The following CHRM3 variants were observed in gnomAD, a reference collection of about 807,000 sequenced individuals.
CHRM3 encodes muscarinic acetylcholine receptor M3.
In CHRM3, 11 loss-of-function variants were observed where a neutral mutation model predicts 41.8. The ratio of observed to expected loss-of-function variants is 0.26; its 90% CI spans 0.17 to 0.44. CHRM3 has a LOEUF of 0.44. Among genes scored for constraint, CHRM3 ranks in the 20% least tolerant of loss-of-function variants. The pLI is 1.00. For synonymous variants in CHRM3, 297 were observed against 301.4 expected (o/e 0.99, Z 0.15); for missense variants, 571 against 745.4 (o/e 0.77, Z 2.72).
intron 5 of CHRM3, among the ~76,000 whole-genome samples, chr1:239,742,597 G>T (rs1434944349): frequency 6.6e-6 from 1 of 152,144 alleles, no homozygotes; most frequent in African/African-American, 2.4e-5. Context: ...TGTAGGTCAA[G>T]GCAAGTCACA....
At chr1:239,723,336 C>T (rs1213971895) in intron 5 of CHRM3, among the ~76,000 whole-genome samples, 1 of 151,692 alleles carries the variant, frequency 6.6e-6, no homozygotes, top group Non-Finnish European at 1.5e-5. Context: ...TTAATTATAG[C>T]TTTAATTTTT....
chr1:239,548,617 T>C (rs1248049013), intron 3 of CHRM3, among the ~76,000 whole-genome samples: 1 of 152,184 alleles, frequency 6.6e-6, no homozygotes, highest in African/African-American at 2.4e-5. Context: ...CTTTTGGGCA[T>C]AAAGGCTTTG....
rs145221520 is a variant in CHRM3, at chr1:239,436,749, A to G, written c.-521+49522A>G. Among the ~76,000 whole-genome samples, 325 of 152,152 alleles carry G rather than the reference A, an allele frequency of 2.1e-3. 2 individuals are homozygous for G. The highest frequency in any genetic ancestry group is 7.2e-3 in the African/African-American group (299 of 41,512). ...CAAGACCTCTAAGTAATTGACAGCT[A>G]CTTTTCTAGGGCAAAGATATTCATT... On this transcript the variant is annotated intron_variant, in intron 1 of 6. Coordinates refer to ENST00000676153, the MANE Select transcript of CHRM3 (RefSeq NM_001375978.1).
chr1:239,544,307 A>T (rs1020218749), intron 2 of CHRM3, among the ~76,000 whole-genome samples: 1 of 152,126 alleles, frequency 6.6e-6, no homozygotes, highest in African/African-American at 2.4e-5. Context: ...CCTGTGATCT[A>T]GGAAGGTGCG....
chr1:239,585,743 T>C (rs1439764006), intron 3 of CHRM3, among the ~76,000 whole-genome samples: 3 of 152,190 alleles, frequency 2.0e-5, no homozygotes, highest in Admixed American at 2.0e-4. Context: ...AGAGATAAAA[T>C]ATGAATTTTA....
At chr1:239,810,963 G>A (rs1309238438) in intron 5 of CHRM3, among the ~76,000 whole-genome samples, 4 of 152,138 alleles carry the variant, frequency 2.6e-5, no homozygotes, top group Non-Finnish European at 5.9e-5. Flanking sequence ...CCTTGGAATC[G>A]CCATAAGTTT....
At chr1:239,650,977 T>C (rs999617683) in intron 4 of CHRM3, among the ~76,000 whole-genome samples, 7 of 152,204 alleles carry the variant, frequency 4.6e-5, no homozygotes, top group African/African-American at 1.7e-4. Flanking sequence ...AATTTGTAAG[T>C]ATACATATAT....
chr1:239,843,883 A>G (rs1309323285), intron 6 of CHRM3, among the ~76,000 whole-genome samples: 22 of 152,026 alleles, frequency 1.4e-4, no homozygotes, highest in Admixed American at 1.4e-3. Context: ...GTGTGTATAT[A>G]TATATACACA....
At chr1:239,656,883 G>T (rs1289814003) in intron 4 of CHRM3, among the ~76,000 whole-genome samples, 4 of 152,074 alleles carry the variant, frequency 2.6e-5, no homozygotes, top group East Asian at 3.9e-4. Context: ...GCATATAAAA[G>T]AGTTCTTTTC....
chr1:239,786,836 A>T (rs1392830857), intron 5 of CHRM3, among the ~76,000 whole-genome samples: 1 of 152,194 alleles, frequency 6.6e-6, no homozygotes, highest in Non-Finnish European at 1.5e-5. Context: ...GTGAACAGAG[A>T]GTGAAGGAGG....
intron 2 of CHRM3, among the ~76,000 whole-genome samples, chr1:239,544,711 G>A (rs1033783885): frequency 6.6e-6 from 1 of 151,890 alleles, no homozygotes; most frequent in South Asian, 2.1e-4. Context: ...ATTTCAAAGC[G>A]AGATCTCACT....
At chr1:239,495,559 A>G (rs1252411884) in intron 2 of CHRM3, among the ~76,000 whole-genome samples, 1 of 152,074 alleles carries the variant, frequency 6.6e-6, no homozygotes, top group Non-Finnish European at 1.5e-5. Flanking sequence ...AGTGGAATGG[A>G]GATTGGGTGT....
At chr1:239,466,994 C>T (rs1259888639) in intron 1 of CHRM3, among the ~76,000 whole-genome samples, 1 of 152,132 alleles carries the variant, frequency 6.6e-6, no homozygotes, top group African/African-American at 2.4e-5. Context: ...AAGGTACTAT[C>T]ATCCTGGAGT....
At chr1:239,480,039 C>A (rs1442033833) in intron 1 of CHRM3, among the ~76,000 whole-genome samples, 1 of 152,188 alleles carries the variant, frequency 6.6e-6, no homozygotes, top group Non-Finnish European at 1.5e-5. Context: ...ATGGGACCAT[C>A]ATCATATATG....
intron 2 of CHRM3, among the ~76,000 whole-genome samples, chr1:239,506,966 C>G (rs2148172537): frequency 6.6e-6 from 1 of 152,238 alleles, no homozygotes; most frequent in South Asian, 2.1e-4. Context: ...TTGTTTTGGC[C>G]AATTTCTCCC....
At chr1:239,611,626 G>T (rs112507592) in intron 3 of CHRM3, among the ~76,000 whole-genome samples, 4 of 151,754 alleles carry the variant, frequency 2.6e-5, no homozygotes, top group Admixed American at 1.3e-4. Flanking sequence ...TCACCATGTT[G>T]GCCAGGATGG....
intron 3 of CHRM3, among the ~76,000 whole-genome samples, chr1:239,599,277 C>G (rs965443834): frequency 6.6e-6 from 1 of 152,160 alleles, no homozygotes; most frequent in African/African-American, 2.4e-5. Context: ...CACAGTGACA[C>G]TCTTCCACAG....
chr1:239,658,509 A>G (rs568810409), intron 4 of CHRM3, among the ~76,000 whole-genome samples: 12 of 152,294 alleles, frequency 7.9e-5, no homozygotes, highest in African/African-American at 2.9e-4. Flanking sequence ...GTAACTTAGC[A>G]GTTGGTTATA....
intron 3 of CHRM3, among the ~76,000 whole-genome samples, chr1:239,612,594 A>C (rs927719133): frequency 2.8e-4 from 42 of 152,202 alleles, no homozygotes; most frequent in African/African-American, 9.9e-4. Context: ...AGAAATGTCA[A>C]CTTGGACAGG....
Sources: gnomAD v4.1 joint callset for allele counts (sites outside exome capture counted in the v4.1 genomes callset) on GRCh38, gnomAD v4.1.1 for gene constraint, MANE v1.5 for transcripts, NCBI Gene and HGNC (gene_info 2026-07-23, HGNC 2026-07-21) for gene names.